CCSER1: variants seen among roughly 807,000 people sequenced by gnomAD.
CCSER1 encodes the protein serine-rich coiled-coil domain-containing protein 1.
A neutral mutation model predicts 82.0 loss-of-function variants in CCSER1; 41 were observed. That is an observed-to-expected ratio of 0.50 (90% CI 0.39 to 0.65). The LOEUF (loss-of-function observed/expected upper bound fraction) is 0.65. Among genes scored for constraint, CCSER1 ranks in the 30% least tolerant of loss-of-function variants. The pLI, the probability that CCSER1 is intolerant of heterozygous loss-of-function variation, is 0.00. For missense variants in CCSER1, 1,119 were observed against 1,064.2 expected (o/e 1.05, Z -0.72); for synonymous variants, 414 against 383.9 (o/e 1.08, Z -0.92).
chr4:90,383,270 A>G (rs554228292), intron 3 of CCSER1, among the ~76,000 whole-genome samples: 6 of 152,322 alleles, frequency 3.9e-5, no homozygotes, highest in Admixed American at 3.3e-4. Flanking sequence ...ATTTTGAAAC[A>G]GCACAGTAAA....
chr4:90,394,948 C>G lies in CCSER1; in HGVS notation c.1510-5088C>G, dbSNP rs1415965159. On this transcript the variant is annotated intron_variant, in intron 3 of 10. Transcript: ENST00000509176. ...TCATTTTTGTGGTGAAAACATTTTA[C>G]TTTCTCAGCAATTTTCAAGTATACA... is the stretch of plus-strand genomic sequence containing the variant. Among the ~76,000 whole-genome samples, 3 of 152,230 alleles carry G rather than the reference C, an allele frequency of 2.0e-5. No homozygotes were observed. In the East Asian group the frequency reaches 5.8e-4, roughly 29 times the overall value.
At chr4:90,717,887 T>TAACC (rs1741941763) in intron 6 of CCSER1, among the ~76,000 whole-genome samples, 2 of 151,828 alleles carry the variant, frequency 1.3e-5, no homozygotes, top group South Asian at 4.2e-4. Context: ...ACAGCAAGCT[T>TAACC]AACCAGGTCT....
intron 10 of CCSER1, among the ~76,000 whole-genome samples, chr4:91,293,875 G>A (rs1221709255): frequency 6.6e-6 from 1 of 151,864 alleles, no homozygotes; most frequent in African/African-American, 2.4e-5. Context: ...CATTATATTT[G>A]TTTGATCTGC....
chr4:90,363,081 T>C (rs997681796), intron 3 of CCSER1, among the ~76,000 whole-genome samples: 1 of 152,146 alleles, frequency 6.6e-6, no homozygotes, highest in Admixed American at 6.5e-5. Context: ...GTTATCCCTC[T>C]TTTACATTAT....
At chr4:90,822,553 C>T (rs1285276516) in intron 8 of CCSER1, among the ~76,000 whole-genome samples, 1 of 151,948 alleles carries the variant, frequency 6.6e-6, no homozygotes, top group Non-Finnish European at 1.5e-5. Context: ...ATGGTGAAAC[C>T]TCATCTCTAC....
chr4:91,089,552 C>T (rs185953305), intron 10 of CCSER1, among the ~76,000 whole-genome samples: 24 of 152,328 alleles, frequency 1.6e-4, no homozygotes, highest in Non-Finnish European at 2.6e-4. Flanking sequence ...ATTTTCACTA[C>T]TTATGTCTTC....
At chr4:90,287,173 G>A (rs926061349) in intron 1 of CCSER1, among the ~76,000 whole-genome samples, 2 of 151,468 alleles carry the variant, frequency 1.3e-5, no homozygotes, top group African/African-American at 4.9e-5. Context: ...ATTCAAAAAA[G>A]CATCACCTTG....
chr4:90,141,055 T>C (rs1424961862), intron 1 of CCSER1, among the ~76,000 whole-genome samples: 1 of 151,672 alleles, frequency 6.6e-6, no homozygotes, highest in Non-Finnish European at 1.5e-5. Context: ...TATCTATCTA[T>C]CTATCTATTG....
chr4:90,445,938 A>C (rs1039092967), intron 4 of CCSER1, among the ~76,000 whole-genome samples: 22 of 152,158 alleles, frequency 1.4e-4, no homozygotes, highest in African/African-American at 4.3e-4. Flanking sequence ...GCATTTGTTT[A>C]TGAATTGAGA....
At position 91,219,401 on chromosome 4, in the gene CCSER1, C is replaced by T. The variant is rs556732875; in HGVS notation, c.2217+133407C>T. 2.1e-4 allele frequency among the ~76,000 whole-genome samples: 32 copies of T among 150,150 alleles called. 1 individual carries two copies. The South Asian group carries it at 6.1e-3, about 29-fold the overall frequency. ...AATCTCGGCTCACTGCAACTTCTGC[C>T]TCCTGGGATCAAATGATTCTCCTGC... On this transcript the variant is annotated intron_variant, in intron 10 of 10. Coordinates refer to ENST00000509176, the MANE Select transcript of CCSER1 (RefSeq NM_001145065.2).
At chr4:91,513,278 A>G (rs550163614) in intron 10 of CCSER1, among the ~76,000 whole-genome samples, 1 of 152,000 alleles carries the variant, frequency 6.6e-6, no homozygotes, top group Admixed American at 6.6e-5. Context: ...ACAATTTTTT[A>G]TTTGCATCCC....
intron 10 of CCSER1, among the ~76,000 whole-genome samples, chr4:91,270,428 A>G (rs1182106768): frequency 6.6e-6 from 1 of 152,112 alleles, no homozygotes; most frequent in Non-Finnish European, 1.5e-5. Flanking sequence ...AGGTATTAAC[A>G]ACGTTCATCA....
intron 1 of CCSER1, among the ~76,000 whole-genome samples, chr4:90,220,974 T>A (rs1742035208): frequency 6.6e-6 from 1 of 152,222 alleles, no homozygotes; most frequent in Admixed American, 6.5e-5. Context: ...ATGAAATAAT[T>A]TGGCAATTTT....
At chr4:90,974,393 A>G (rs1735409916) in intron 9 of CCSER1, among the ~76,000 whole-genome samples, 1 of 151,234 alleles carries the variant, frequency 6.6e-6, no homozygotes, top group Non-Finnish European at 1.5e-5. Context: ...ATTATAAACT[A>G]AAATTATGCA....
chr4:91,381,003 TG>T (rs1750847169), intron 10 of CCSER1, among the ~76,000 whole-genome samples: 1 of 152,198 alleles, frequency 6.6e-6, no homozygotes, highest in Non-Finnish European at 1.5e-5. Flanking sequence ...CCTTCACTGA[TG>T]AAGCTTATTT....
chr4:91,228,422 A>G lies in CCSER1; in HGVS notation c.2217+142428A>G, dbSNP rs113254684. On this transcript the variant is annotated intron_variant, in intron 10 of 10. Coordinates refer to ENST00000509176, the MANE Select transcript of CCSER1 (RefSeq NM_001145065.2). ...TAATTTTCAATTTCTTGCATAAGTT[A>G]TACCAACATTAAATTTTACAGAAAT... Among the ~76,000 whole-genome samples the G allele has an allele frequency of 7.7e-3, 1,165 of 152,136 alleles. 18 individuals are homozygous for G. Among genetic ancestry groups the G allele is most frequent in the African/African-American group, 0.027 (1,104 of 41,556 alleles).
At chr4:91,588,650 T>A (rs1344945585) in intron 10 of CCSER1, among the ~76,000 whole-genome samples, 1 of 151,754 alleles carries the variant, frequency 6.6e-6, no homozygotes, top group Non-Finnish European at 1.5e-5. Context: ...GCAGTATTCT[T>A]TTGATGTTTT....
chr4:90,592,123 G>A (rs1002341610), intron 5 of CCSER1, among the ~76,000 whole-genome samples: 1 of 152,000 alleles, frequency 6.6e-6, no homozygotes. Flanking sequence ...ATAGGTGCAG[G>A]AAACCACCAT....
chr4:90,587,332 G>A (rs1782139589), intron 5 of CCSER1, among the ~76,000 whole-genome samples: 1 of 152,086 alleles, frequency 6.6e-6, no homozygotes, highest in Non-Finnish European at 1.5e-5. Context: ...AAAATGCCTG[G>A]CCGGATGCAG....
Sources: allele counts gnomAD v4.1 joint callset (sites outside exome capture counted in the v4.1 genomes callset), GRCh38; gene constraint gnomAD v4.1.1; transcripts MANE v1.5; gene names NCBI Gene and HGNC (gene_info 2026-07-23, HGNC 2026-07-21).